Variants in FAM83F observed in about 807,000 individuals in gnomAD.
FAM83F encodes scaffolding CK1 anchoring protein F.
Under a neutral mutation model 42.9 loss-of-function variants are expected in FAM83F, and 45 were observed. The ratio of observed to expected loss-of-function variants is 1.05; its 90% CI spans 0.83 to 1.35. The LOEUF (loss-of-function observed/expected upper bound fraction) is 1.35, where lower values mean the gene tolerates loss of function less well. Ranked by LOEUF, FAM83F falls within the 40% of genes most tolerant of loss-of-function variation. FAM83F has a pLI of 0.00. For synonymous variants in FAM83F, 306 were observed against 298.3 expected, an observed-to-expected ratio of 1.03 and a Z score of -0.27; for missense variants, 617 against 695.9, an observed-to-expected ratio of 0.89 and a Z score of 1.28.
At chr22:40,001,773 T>G (rs1169106764) in intron 1 of FAM83F, among the ~76,000 whole-genome samples, 1 of 152,224 alleles carries the variant, frequency 6.6e-6, no homozygotes, top group Non-Finnish European at 1.5e-5. Context: ...AGAAAGTAAC[T>G]GCTGTCATCT....
At position 40,023,171 on chromosome 22, in the gene FAM83F, C is replaced by T. The variant is rs867919648; in HGVS notation, c.1453+1208C>T. On this transcript the variant is annotated intron_variant, in intron 4 of 4. Transcript: ENST00000333407. The surrounding 1 kb of genome is among the most constrained non-coding windows in gnomAD (Gnocchi z 4.1). ...CTCCCCTTCTGCCCCCACAACCACCCTTCAAGCACAGAGGTGGCAGATGGC... is the reference window on the plus strand; with the variant it reads ...CTCCCCTTCTGCCCCCACAACCACCTTTCAAGCACAGAGGTGGCAGATGGC... 7.2e-5 allele frequency among the ~76,000 whole-genome samples: 11 copies of T among 152,216 alleles called. No individual in the cohort carries two copies. The highest frequency in any genetic ancestry group is 3.2e-3 in the Middle Eastern group (1 of 316).
At chr22:40,019,380 G>C in intron 2 of FAM83F, 45 bp downstream of exon 2, 1 of 1,586,508 alleles carries the variant, frequency 6.3e-7, no homozygotes, top group South Asian at 1.1e-5. Flanking sequence ...AGATGAGACA[G>C]AGACTACCTC....
Position 39,995,380 on chromosome 22 carries a change from A to C in FAM83F, c.338A>C (p.Asp113Ala). ...CTGGCCTACTGGCCCGACCGTTCCGACACCGAGGTGCCTCCTCTGGACCTG... is the reference window on the plus strand; with the variant it reads ...CTGGCCTACTGGCCCGACCGTTCCGCCACCGAGGTGCCTCCTCTGGACCTG... ...ESLAYWPDRS[D>A]TEVPPLDLGW... The change falls in exon 1 of 5, where the codon GAC (aspartate) becomes GCC (alanine). Residue 113 changes from aspartate to alanine, a missense_variant. Coordinates refer to ENST00000333407, the MANE Select transcript of FAM83F (RefSeq NM_138435.4). The surrounding 1 kb of genome is among the most constrained non-coding windows in gnomAD (Gnocchi z 4.6). 1 of 1,546,434 alleles carries C rather than the reference A, an allele frequency of 6.5e-7. No homozygotes were observed. Among genetic ancestry groups the C allele is most frequent in the Non-Finnish European group, 8.7e-7 (1 of 1,146,684 alleles).
rs1355422469 is a variant in FAM83F at position 39,995,638 on chromosome 22, C to T, written c.489+107C>T. On this transcript the variant is annotated intron_variant, in intron 1 of 4. Transcript: ENST00000333407. The surrounding 1 kb of genome is among the most constrained non-coding windows in gnomAD (Gnocchi z 4.6). ...CGGGGCAGGCCGCCCTGAGCACCCT[C>T]TGGAAAATGGGCCCCAACCCGCCCC... 7.0e-7 allele frequency: 1 copy of T among 1,430,558 alleles called. No individual in the cohort carries two copies. Among genetic ancestry groups the T allele is most frequent in the Non-Finnish European group, 9.1e-7 (1 of 1,093,358 alleles). 88.6% of individuals were successfully genotyped at this position (1,430,558 alleles called of 1,614,324 possible). A position where few individuals can be genotyped will look rare whatever the true frequency, so the allele number is the denominator to read the frequency against.
rs7286006 is a variant in FAM83F at position 40,020,021 on chromosome 22, G to C, written c.779+13G>C. 6.2e-7 allele frequency: 1 copy of C among 1,605,818 alleles called. No individual in the cohort carries two copies. The highest frequency in any genetic ancestry group is 8.5e-7 in the Non-Finnish European group (1 of 1,176,828). ...CTGGATCTTACAGGTGAGTTGGGCCGGATCAAAGAAGGGCCCAGGAGGCCT... is the reference window on the plus strand; with the variant it reads ...CTGGATCTTACAGGTGAGTTGGGCCCGATCAAAGAAGGGCCCAGGAGGCCT... On this transcript the variant is annotated intron_variant, in intron 3 of 4. Transcript: ENST00000333407.
In FAM83F at chr22:40,041,277, A is replaced by C. The variant is rs1489383309; in HGVS notation, c.*11712A>C. The C allele has an allele frequency of 6.6e-6, 1 of 152,200 alleles. No homozygotes were observed. Among genetic ancestry groups the C allele is most frequent in the Non-Finnish European group, 1.5e-5 (1 of 68,042 alleles). 9.4% of individuals were successfully genotyped at this position (152,200 alleles called of 1,614,324 possible). A position where few individuals can be genotyped will look rare whatever the true frequency, so the allele number is the denominator to read the frequency against. ...GGGCTTAACGAGTCTTTTTACTCTG[A>C]AAGCTGGGTGGGTTGGAACAAACAA... On this transcript the variant is annotated 3_prime_UTR_variant, in exon 5 of 5. Coordinates refer to ENST00000333407, the MANE Select transcript of FAM83F (RefSeq NM_138435.4).
chr22:40,023,254 C>G lies in FAM83F; in HGVS notation c.1453+1291C>G, dbSNP rs576872722. 6.6e-6 allele frequency among the ~76,000 whole-genome samples: 1 copy of G among 152,298 alleles called. No individual in the cohort carries two copies. Among genetic ancestry groups the G allele is most frequent in the East Asian group, 1.9e-4 (1 of 5,174 alleles). ...AGGAAGTGGTAGTAAGGCCAGGATT[C>G]AAGACCAGGCATGGGCACAGCCATG... is the stretch of plus-strand genomic sequence containing the variant. On this transcript the variant is annotated intron_variant, in intron 4 of 4. Transcript: ENST00000333407. The surrounding 1 kb of genome is among the most constrained non-coding windows in gnomAD (Gnocchi z 4.1).
At chr22:40,000,014 G>A (rs2067391029) in intron 1 of FAM83F, among the ~76,000 whole-genome samples, 1 of 152,228 alleles carries the variant, frequency 6.6e-6, no homozygotes, top group Non-Finnish European at 1.5e-5. Flanking sequence ...AAGAGAGACT[G>A]GCTTACTCTC....
rs1468367035 is a variant in FAM83F at position 40,031,878 on chromosome 22, T to C, written c.*2313T>C. The C allele has an allele frequency of 2.6e-5, 4 of 152,290 alleles. No individual in the cohort carries two copies. Among genetic ancestry groups the C allele is most frequent in the African/African-American group, 4.8e-5 (2 of 41,466 alleles). The allele number at this position is 152,290 out of a possible 1,614,324, so 9.4% of individuals were successfully genotyped here. On this transcript the variant is annotated 3_prime_UTR_variant, in exon 5 of 5. Transcript: ENST00000333407. Reference sequence around the variant, plus strand: ...TGAACTCACAAAATGCAGCTCTTCATGTTTGCCTGTCTGCCTAGGCACCGG... The same window carrying C: ...TGAACTCACAAAATGCAGCTCTTCACGTTTGCCTGTCTGCCTAGGCACCGG...
At chr22:40,024,686 G>A (rs956853803) in intron 4 of FAM83F, among the ~76,000 whole-genome samples, 2 of 152,166 alleles carry the variant, frequency 1.3e-5, no homozygotes, top group African/African-American at 2.4e-5. Context: ...CTGGAGTTCA[G>A]ATTCTGCCTC....
At chr22:39,998,259 G>T (rs1257289371) in intron 1 of FAM83F, among the ~76,000 whole-genome samples, 1 of 152,140 alleles carries the variant, frequency 6.6e-6, no homozygotes, top group Non-Finnish European at 1.5e-5. Context: ...AGGGACACGG[G>T]GGAACTGCCG....
intron 1 of FAM83F, among the ~76,000 whole-genome samples, chr22:40,013,353 T>C (rs964832966): frequency 3.3e-5 from 5 of 152,218 alleles, no homozygotes; most frequent in Non-Finnish European, 7.3e-5. Flanking sequence ...CCCAGTTGCA[T>C]CTGCTAAAGG....
intron 1 of FAM83F, among the ~76,000 whole-genome samples, chr22:40,006,461 C>T (rs1184311477): frequency 6.6e-6 from 1 of 152,156 alleles, no homozygotes; most frequent in African/African-American, 2.4e-5. Context: ...AGACATGTGT[C>T]CTAGGGAAGG....
At chr22:40,024,329 G>A (rs935343197) in intron 4 of FAM83F, among the ~76,000 whole-genome samples, 5 of 152,190 alleles carry the variant, frequency 3.3e-5, no homozygotes, top group Admixed American at 2.0e-4. Context: ...CCTTTTTCAC[G>A]GCCTCCAGCT....
At chr22:40,011,017 G>C (rs1377008821) in intron 1 of FAM83F, among the ~76,000 whole-genome samples, 1 of 152,182 alleles carries the variant, frequency 6.6e-6, no homozygotes, top group Non-Finnish European at 1.5e-5. Flanking sequence ...GTGCACTTTA[G>C]TTCACGGCAC....
At position 40,023,278 on chromosome 22, in the gene FAM83F, T is replaced by C. The variant is rs2067532232; in HGVS notation, c.1453+1315T>C. Among the ~76,000 whole-genome samples the C allele has an allele frequency of 6.6e-6, 1 of 152,118 alleles. No individual in the cohort carries two copies. Among genetic ancestry groups the C allele is most frequent in the African/African-American group, 2.4e-5 (1 of 41,430 alleles). ...TCAAGACCAGGCATGGGCACAGCCA[T>C]GTTCTGTCAGGGGAGGGGTGGCTGG... is the stretch of plus-strand genomic sequence containing the variant. On this transcript the variant is annotated intron_variant, in intron 4 of 4. Transcript: ENST00000333407. The surrounding 1 kb of genome is among the most constrained non-coding windows in gnomAD (Gnocchi z 4.1).
chr22:39,997,484 C>T (rs2067377770), intron 1 of FAM83F, among the ~76,000 whole-genome samples: 1 of 152,208 alleles, frequency 6.6e-6, no homozygotes, highest in African/African-American at 2.4e-5. Flanking sequence ...GTGCCAGGCA[C>T]TACCTAGCCA....
chr22:40,029,480 T>TA (rs1473764269), intron 4 of FAM83F, 36 bp from the exon 5 acceptor site: 1 of 1,595,100 alleles, frequency 6.3e-7, no homozygotes, highest in Admixed American at 1.7e-5. Flanking sequence ...GCGTTTCACT[T>TA]ACATCCTTCC....
intron 1 of FAM83F, among the ~76,000 whole-genome samples, chr22:40,018,581 G>A (rs1274214623): frequency 1.3e-5 from 2 of 151,670 alleles, no homozygotes; most frequent in Admixed American, 6.6e-5. Flanking sequence ...TGGCATTACA[G>A]GTGCCTGCCA....
Sources: gnomAD v4.1 joint callset for allele counts (sites outside exome capture counted in the v4.1 genomes callset) on GRCh38, gnomAD v4.1.1 for gene constraint, Gnocchi (gnomAD v3.1) non-coding constraint, MANE v1.5 for transcripts, NCBI Gene and HGNC (gene_info 2026-07-23, HGNC 2026-07-21) for gene names.